Variants in HPSE2 observed in about 807,000 individuals in gnomAD.
HPSE2 encodes heparanase 2 (inactive).
A neutral mutation model predicts 60.5 loss-of-function variants in HPSE2; 38 were observed. That is an observed-to-expected ratio of 0.63 (90% confidence interval 0.48 to 0.82). HPSE2 has a LOEUF of 0.82. Among genes scored for constraint, HPSE2 ranks in the 40% least tolerant of loss-of-function variants. The pLI is 0.00. For missense variants in HPSE2, 713 were observed against 740.4 expected, an observed-to-expected ratio of 0.96 and a Z score of 0.43; for synonymous variants, 295 against 293.2, an observed-to-expected ratio of 1.01 and a Z score of -0.06.
At chr10:98,483,427 A>AT (rs1941320159) in intron 10 of HPSE2, among the ~76,000 whole-genome samples, 1 of 152,226 alleles carries the variant, frequency 6.6e-6, no homozygotes, top group African/African-American at 2.4e-5. Context: ...ATGTTTGAAC[A>AT]TTTTTGCCAT....
chr10:99,216,748 A>G (rs1849143958), intron 2 of HPSE2, among the ~76,000 whole-genome samples: 1 of 152,206 alleles, frequency 6.6e-6, no homozygotes, highest in East Asian at 1.9e-4. Context: ...GCATATTGCA[A>G]TGCTGGTACA....
intron 4 of HPSE2, among the ~76,000 whole-genome samples, chr10:98,737,202 C>A (rs988951817): frequency 1.3e-4 from 20 of 152,188 alleles, no homozygotes; most frequent in Admixed American, 1.2e-3. Flanking sequence ...GTGACTGAAT[C>A]TTATGTTTGG....
chr10:99,287,334 G>T, the HPSE2 span, among the ~76,000 whole-genome samples: 121 of 152,192 alleles, frequency 8.0e-4, no homozygotes, highest in African/African-American at 2.8e-3. Flanking sequence ...AATGAGGACT[G>T]GGCAGGAAGA....
rs192505260 is a variant in HPSE2, at chr10:98,998,843, G to A, written c.610+145395C>T. 2.6e-5 allele frequency among the ~76,000 whole-genome samples: 4 copies of A among 152,294 alleles called. No homozygotes were observed. The East Asian group carries it at 7.7e-4, about 29-fold the overall frequency. Reference sequence around the variant, plus strand: ...CTTTCACAAGGCATATGAGGCTGTAGAGACACCTCCTGGATCCCAAAGCAT... The same window carrying A: ...CTTTCACAAGGCATATGAGGCTGTAAAGACACCTCCTGGATCCCAAAGCAT... On this transcript the variant is annotated intron_variant, in intron 3 of 11. Transcript: ENST00000370552.
intron 9 of HPSE2, among the ~76,000 whole-genome samples, chr10:98,569,446 T>G (rs1423918793): frequency 6.6e-6 from 1 of 152,192 alleles, no homozygotes; most frequent in Non-Finnish European, 1.5e-5. Flanking sequence ...ATGATACATT[T>G]AAATTACAAA....
chr10:99,244,439 C>T, the HPSE2 span, among the ~76,000 whole-genome samples: 10 of 144,106 alleles, frequency 6.9e-5, no homozygotes, highest in East Asian at 2.0e-4. Context: ...CACGGTCTCA[C>T]TCTGTCACCC....
At chr10:98,468,265 C>T (rs1209524119) in intron 11 of HPSE2, among the ~76,000 whole-genome samples, 1 of 152,200 alleles carries the variant, frequency 6.6e-6, no homozygotes, top group Non-Finnish European at 1.5e-5. Context: ...GGCTACCACG[C>T]TGAGGAAGGC....
chr10:98,850,911 T>C (rs550873020), intron 3 of HPSE2, among the ~76,000 whole-genome samples: 1 of 152,326 alleles, frequency 6.6e-6, no homozygotes, highest in South Asian at 2.1e-4. Context: ...GTTTCTCCCT[T>C]ACTTTGTCTT....
chr10:98,806,251 C>G (rs1483860944), intron 3 of HPSE2, among the ~76,000 whole-genome samples: 1 of 152,196 alleles, frequency 6.6e-6, no homozygotes, highest in African/African-American at 2.4e-5. Flanking sequence ...CCAAGACTTT[C>G]ATCAGGTCCA....
chr10:98,880,989 C>T (rs960256007), intron 3 of HPSE2, among the ~76,000 whole-genome samples: 2 of 152,044 alleles, frequency 1.3e-5, no homozygotes, highest in Non-Finnish European at 2.9e-5. Flanking sequence ...AGGATGTAAA[C>T]CCTGCTGCTG....
chr10:98,862,136 T>C (rs776348597), intron 3 of HPSE2, among the ~76,000 whole-genome samples: 7 of 152,164 alleles, frequency 4.6e-5, no homozygotes, highest in Non-Finnish European at 8.8e-5. Context: ...AGATATCTCA[T>C]TGTGCGGAGA....
At chr10:99,057,247 C>T (rs1301681023) in intron 3 of HPSE2, among the ~76,000 whole-genome samples, 1 of 152,146 alleles carries the variant, frequency 6.6e-6, no homozygotes, top group Non-Finnish European at 1.5e-5. Context: ...ACTTTCAGTT[C>T]CTACCAATTT....
chr10:98,617,247 T>C (rs1024696009), intron 8 of HPSE2, among the ~76,000 whole-genome samples: 2 of 152,212 alleles, frequency 1.3e-5, no homozygotes, highest in African/African-American at 2.4e-5. Context: ...TTCAATAACA[T>C]TAGTCAATGC....
At chr10:98,575,092 A>C (rs1007380655) in intron 9 of HPSE2, among the ~76,000 whole-genome samples, 4 of 150,294 alleles carry the variant, frequency 2.7e-5, no homozygotes, top group Non-Finnish European at 5.9e-5. Context: ...AGCCCTCAGC[A>C]AACAGTCTGA....
intron 11 of HPSE2, among the ~76,000 whole-genome samples, chr10:98,478,904 G>A (rs1397461911): frequency 6.6e-6 from 1 of 152,198 alleles, no homozygotes; most frequent in African/African-American, 2.4e-5. Context: ...TATATAAGGA[G>A]TTGGGACTGG....
chr10:99,103,636 T>C (rs1844110564), intron 3 of HPSE2, among the ~76,000 whole-genome samples: 1 of 152,144 alleles, frequency 6.6e-6, no homozygotes, highest in Admixed American at 6.6e-5. Context: ...AAAACTACTT[T>C]AAAGTTCATA....
Position 98,509,291 on chromosome 10 carries a change from T to C in HPSE2, c.1321-19095A>G, listed in dbSNP as rs185104930. Among the ~76,000 whole-genome samples the C allele has an allele frequency of 2.7e-3, 416 of 151,402 alleles. 2 individuals are homozygous for C. Among genetic ancestry groups the C allele is most frequent in the African/African-American group, 9.6e-3 (396 of 41,336 alleles). On this transcript the variant is annotated intron_variant, in intron 9 of 11. Transcript: ENST00000370552. ...ATCGCGCCACTGCACTCCAGCCTGG[T>C]GACAGAGACTCCGTCTCAAAAACAA...
intron 2 of HPSE2, among the ~76,000 whole-genome samples, chr10:99,212,773 A>ATT (rs1848993008): frequency 6.6e-6 from 1 of 152,188 alleles, no homozygotes; most frequent in Non-Finnish European, 1.5e-5. Context: ...AAGAGAATAG[A>ATT]TTAAGTATTC....
At chr10:98,980,040 G>A (rs1956171073) in intron 3 of HPSE2, among the ~76,000 whole-genome samples, 2 of 152,150 alleles carry the variant, frequency 1.3e-5, no homozygotes, top group Admixed American at 1.3e-4. Context: ...ATTATTAAAT[G>A]TATCTTCATG....
Sources: gnomAD v4.1 joint callset for allele counts (sites outside exome capture counted in the v4.1 genomes callset) on GRCh38, gnomAD v4.1.1 for gene constraint, MANE v1.5 for transcripts, NCBI Gene and HGNC (gene_info 2026-07-23, HGNC 2026-07-21) for gene names.